Variants in MACROD2 observed in about 807,000 individuals in gnomAD.
The protein encoded by MACROD2 is mono-ADP ribosylhydrolase 2, also known as ADP-ribose glycohydrolase MACROD2.
In MACROD2, 36 loss-of-function variants were observed where a neutral mutation model predicts 70.4. That is an observed-to-expected ratio of 0.51 (90% CI 0.39 to 0.68). MACROD2 has a LOEUF of 0.68. Ranked by LOEUF, MACROD2 falls within the 30% of genes least tolerant of loss-of-function variation. The pLI is 0.00. For missense variants in MACROD2, 496 were observed against 538.4 expected (o/e 0.92, Z 0.78); for synonymous variants, 172 against 178.8 (o/e 0.96, Z 0.30).
rs754014962 is a variant in MACROD2, at chr20:15,454,063, G to A, written c.571+22628G>A. ...ATTGGGTTTATGGAGAAAGCTAAAC[G>A]GTTGGGAAGGTGTGTCCCTAGCCAA... On this transcript the variant is annotated intron_variant, in intron 7 of 17. Transcript: ENST00000684519. Among the ~76,000 whole-genome samples the A allele has an allele frequency of 4.3e-4, 65 of 152,102 alleles. 1 individual carries two copies. Among genetic ancestry groups the A allele is most frequent in the Non-Finnish European group, 2.2e-4 (15 of 68,020 alleles).
intron 3 of MACROD2, among the ~76,000 whole-genome samples, chr20:14,286,930 CATT>C (rs1297320504): frequency 6.6e-6 from 1 of 152,142 alleles, no homozygotes; most frequent in Non-Finnish European, 1.5e-5. Flanking sequence ...TTCACTCTGA[CATT>C]ATTCTTCCAA....
intron 2 of MACROD2, among the ~76,000 whole-genome samples, chr20:14,025,982 T>C (rs930600756): frequency 5.9e-5 from 9 of 152,164 alleles, no homozygotes; most frequent in African/African-American, 1.9e-4. Context: ...GGAGTCTAAG[T>C]CTCTTTATAG....
At chr20:14,257,594 AC>A (rs1456301719) in intron 3 of MACROD2, among the ~76,000 whole-genome samples, 1 of 152,150 alleles carries the variant, frequency 6.6e-6, no homozygotes, top group Non-Finnish European at 1.5e-5. Flanking sequence ...AATCTGAGGT[AC>A]CCCACATGGT....
intron 3 of MACROD2, among the ~76,000 whole-genome samples, chr20:14,124,099 C>T (rs1054308166): frequency 1.3e-4 from 20 of 152,194 alleles, no homozygotes; most frequent in Admixed American, 9.8e-4. Context: ...CTTCAAAGGA[C>T]GATTTGTTTC....
chr20:15,803,138 G>A (rs1051795396), intron 8 of MACROD2, among the ~76,000 whole-genome samples: 1 of 152,004 alleles, frequency 6.6e-6, no homozygotes, highest in Non-Finnish European at 1.5e-5. Flanking sequence ...AAAGAGGAGG[G>A]AATTCTTCCT....
chr20:14,004,116 T>C (rs574766582), intron 2 of MACROD2, among the ~76,000 whole-genome samples: 2 of 152,362 alleles, frequency 1.3e-5, no homozygotes, highest in African/African-American at 4.8e-5. Flanking sequence ...AAATCCAAAA[T>C]GTTCCAGTGA....
intron 5 of MACROD2, among the ~76,000 whole-genome samples, chr20:14,886,879 G>A (rs1185415100): frequency 6.6e-6 from 1 of 152,136 alleles, no homozygotes; most frequent in Non-Finnish European, 1.5e-5. Context: ...AGCCATCATG[G>A]CAGCCTTCTT....
chr20:14,389,225 C>T (rs1418000499), intron 3 of MACROD2, among the ~76,000 whole-genome samples: 4 of 151,382 alleles, frequency 2.6e-5, no homozygotes, highest in African/African-American at 4.9e-5. Context: ...AGATAGAGAC[C>T]AGCGTAGCCA....
intron 5 of MACROD2, among the ~76,000 whole-genome samples, chr20:14,954,597 T>G (rs1459716960): frequency 1.5e-5 from 2 of 133,398 alleles, no homozygotes; most frequent in South Asian, 2.1e-4. Flanking sequence ...TTATATATAA[T>G]AATTATATAG....
intron 8 of MACROD2, among the ~76,000 whole-genome samples, chr20:15,544,544 G>A (rs564846868): frequency 1.5e-4 from 23 of 152,284 alleles, no homozygotes; most frequent in African/African-American, 5.3e-4. Context: ...TCACCTGCGA[G>A]GAGAGTCAGA....
chr20:15,311,569 G>A (rs533281899), intron 6 of MACROD2, among the ~76,000 whole-genome samples: 3 of 152,298 alleles, frequency 2.0e-5, no homozygotes, highest in South Asian at 2.1e-4. Flanking sequence ...TAAAGAAAAC[G>A]TGGTACGTAT....
At chr20:15,195,097 A>C (rs1413666695) in intron 5 of MACROD2, among the ~76,000 whole-genome samples, 1 of 152,212 alleles carries the variant, frequency 6.6e-6, no homozygotes, top group Non-Finnish European at 1.5e-5. Flanking sequence ...TATTGATTAA[A>C]GACTTAAATG....
chr20:14,298,795 T>A (rs2082449864), intron 3 of MACROD2, among the ~76,000 whole-genome samples: 1 of 149,034 alleles, frequency 6.7e-6, no homozygotes, highest in Admixed American at 6.6e-5. Context: ...GAGCTCAAGA[T>A]TTCAGGGGAG....
chr20:14,031,303 G>A (rs1332584854), intron 2 of MACROD2, among the ~76,000 whole-genome samples: 1 of 152,082 alleles, frequency 6.6e-6, no homozygotes, highest in Non-Finnish European at 1.5e-5. Flanking sequence ...TTATTTAAAA[G>A]TAAGTACAAT....
chr20:15,221,034 A>G (rs988143843), intron 5 of MACROD2, among the ~76,000 whole-genome samples: 16 of 152,294 alleles, frequency 1.1e-4, no homozygotes, highest in African/African-American at 3.6e-4. Flanking sequence ...GTGTCCCGAC[A>G]TTGACCCATC....
At chr20:15,762,302 G>T (rs1306549337) in intron 8 of MACROD2, among the ~76,000 whole-genome samples, 1 of 152,170 alleles carries the variant, frequency 6.6e-6, no homozygotes. Context: ...CAAGGCAGGT[G>T]ACATTGATTA....
rs117490519 is a variant in MACROD2, at chr20:14,769,239, C to T, written c.418+84280C>T. 2.0e-5 allele frequency among the ~76,000 whole-genome samples: 3 copies of T among 152,120 alleles called. No individual in the cohort carries two copies. The East Asian group carries it at 5.8e-4, about 29-fold the overall frequency. ...AAATTAAATTGGTTGGTTGTAGAGC[C>T]AGTGTTTTCTTTGAATTCTTTAGTG... On this transcript the variant is annotated intron_variant, in intron 5 of 17. Transcript: ENST00000684519.
intron 8 of MACROD2, among the ~76,000 whole-genome samples, chr20:15,700,432 C>A (rs576182566): frequency 1.3e-5 from 2 of 152,374 alleles, no homozygotes; most frequent in South Asian, 4.1e-4. Context: ...GCTGCCCCAA[C>A]TCGGCTCCGA....
At chr20:15,718,562 A>T (rs2050739418) in intron 8 of MACROD2, among the ~76,000 whole-genome samples, 1 of 152,176 alleles carries the variant, frequency 6.6e-6, no homozygotes, top group South Asian at 2.1e-4. Flanking sequence ...TAGGGTGGAT[A>T]AGCAGTGTAG....
Sources: allele counts gnomAD v4.1 joint callset (sites outside exome capture counted in the v4.1 genomes callset), GRCh38; gene constraint gnomAD v4.1.1; transcripts MANE v1.5; gene names NCBI Gene and HGNC (gene_info 2026-07-23, HGNC 2026-07-21).